The following PIAS1 variants were observed in gnomAD, a reference collection of about 807,000 sequenced individuals.
The protein encoded by PIAS1 is E3 SUMO-protein ligase PIAS1.
PIAS1 carries 6 observed loss-of-function variants against 71.3 expected under a neutral mutation model. The ratio of observed to expected loss-of-function variants is 0.08; its 90% confidence interval spans 0.05 to 0.17. The LOEUF (loss-of-function observed/expected upper bound fraction) is 0.17, where lower values mean the gene tolerates loss of function less well. PIAS1 is among the 10% of genes least tolerant of loss of function. PIAS1 has a pLI of 1.00. For synonymous variants in PIAS1, 303 were observed against 292.9 expected, an observed-to-expected ratio of 1.03 and a Z score of -0.35; for missense variants, 555 against 793.6, an observed-to-expected ratio of 0.70 and a Z score of 3.61.
rs532975947 is a variant in PIAS1, at chr15:68,095,844, C to G, written c.469+9094C>G. Among the ~76,000 whole-genome samples the G allele has an allele frequency of 7.3e-4, 111 of 152,210 alleles. 1 individual carries two copies. Among genetic ancestry groups the G allele is most frequent in the African/African-American group, 2.5e-3 (105 of 41,552 alleles). The stretch of plus-strand genomic sequence containing the variant: ...CCACGCCTGGCCCATTCTTTTTCTT[C>G]ATTCCTGACAGTGCTTGCAGCAGAC... On this transcript the variant is annotated intron_variant, in intron 2 of 13. Coordinates refer to ENST00000249636, the MANE Select transcript of PIAS1 (RefSeq NM_016166.3).
intron 1 of PIAS1, among the ~76,000 whole-genome samples, chr15:68,085,412 G>C (rs920546652): frequency 2.0e-5 from 3 of 152,176 alleles, no homozygotes; most frequent in Non-Finnish European, 2.9e-5. Flanking sequence ...ATAAGTTTGC[G>C]AACATAGGTA....
At chr15:68,179,716 C>T (rs909690083) in intron 11 of PIAS1, among the ~76,000 whole-genome samples, 1 of 151,596 alleles carries the variant, frequency 6.6e-6, no homozygotes, top group Admixed American at 6.6e-5. Context: ...GCTGGGATTA[C>T]AGGCATGCAC....
At chr15:68,114,051 CACACACACACTT>C (rs1339873097) in intron 2 of PIAS1, among the ~76,000 whole-genome samples, 2 of 118,298 alleles carry the variant, frequency 1.7e-5, no homozygotes, top group African/African-American at 2.8e-5. Flanking sequence ...CACACACACA[CACACACACACTT>C]ATATACATGT....
intron 1 of PIAS1, among the ~76,000 whole-genome samples, chr15:68,081,493 C>A (rs2140977005): frequency 6.6e-6 from 1 of 152,100 alleles, no homozygotes; most frequent in South Asian, 2.1e-4. Context: ...AAGCTTCAGG[C>A]ATGAAAGGCA....
At chr15:68,069,697 G>C (rs1944924543) in intron 1 of PIAS1, among the ~76,000 whole-genome samples, 1 of 151,778 alleles carries the variant, frequency 6.6e-6, no homozygotes, top group South Asian at 2.1e-4. Flanking sequence ...CCAGCTACTT[G>C]GGAGGCTGAG....
intron 11 of PIAS1, 97 bp downstream of exon 11, chr15:68,176,751 AAACTT>A: frequency 5.8e-6 from 5 of 867,618 alleles, no homozygotes; most frequent in Admixed American, 3.0e-5. Flanking sequence ...CTTGATTGTG[AAACTT>A]AACTTAGCAA....
intron 1 of PIAS1, among the ~76,000 whole-genome samples, chr15:68,060,900 T>C (rs1293438335): frequency 6.6e-6 from 1 of 152,214 alleles, no homozygotes; most frequent in Admixed American, 6.5e-5. Context: ...GCCAGGTTGG[T>C]CTCTATCTCT....
chr15:68,088,356 G>T (rs1334788690), intron 2 of PIAS1, among the ~76,000 whole-genome samples: 3 of 151,508 alleles, frequency 2.0e-5, no homozygotes, highest in Middle Eastern at 6.8e-3. Flanking sequence ...TACTTCCCCT[G>T]GTAGCAGTGA....
intron 2 of PIAS1, among the ~76,000 whole-genome samples, chr15:68,123,076 A>T (rs896792012): frequency 6.6e-6 from 1 of 151,740 alleles, no homozygotes; most frequent in Non-Finnish European, 1.5e-5. Flanking sequence ...TTGAGAGAGA[A>T]GGTCTCATTC....
At chr15:68,112,441 C>T (rs181301321) in intron 2 of PIAS1, among the ~76,000 whole-genome samples, 1 of 152,220 alleles carries the variant, frequency 6.6e-6, no homozygotes, top group African/African-American at 2.4e-5. Flanking sequence ...TGAACCCTTT[C>T]CAGGTAGGTT....
At chr15:68,180,755 A>G (rs946669248) in intron 11 of PIAS1, among the ~76,000 whole-genome samples, 1 of 152,138 alleles carries the variant, frequency 6.6e-6, no homozygotes, top group Non-Finnish European at 1.5e-5. Flanking sequence ...AACCACTCAG[A>G]TTGCTTCATT....
chr15:68,093,237 C>CTT (rs1171084438), intron 2 of PIAS1, among the ~76,000 whole-genome samples: 1 of 152,222 alleles, frequency 6.6e-6, no homozygotes, highest in African/African-American at 2.4e-5. Context: ...AAAACAGCAA[C>CTT]TTTCTTTTTA....
At chr15:68,138,099 A>G (rs1461431930) in intron 2 of PIAS1, among the ~76,000 whole-genome samples, 1 of 152,184 alleles carries the variant, frequency 6.6e-6, no homozygotes, top group African/African-American at 2.4e-5. Context: ...GCAGTGAGCT[A>G]TGATCATGCC....
At chr15:68,148,491 C>T (rs2092823372) in intron 6 of PIAS1, among the ~76,000 whole-genome samples, 1 of 152,032 alleles carries the variant, frequency 6.6e-6, no homozygotes, top group African/African-American at 2.4e-5. Context: ...TACAGTGGCA[C>T]AATCTCGGCT....
In PIAS1 at chr15:68,173,616, T is replaced by A; in HGVS notation, c.1009-116T>A. 1.8e-6 allele frequency: 1 copy of A among 545,722 alleles called. No individual in the cohort carries two copies. The highest frequency in any genetic ancestry group is 4.8e-4 in the Middle Eastern group (1 of 2,092). The allele number at this position is 545,722 out of a possible 1,614,324, so 33.8% of individuals were successfully genotyped here. ...AATGTTCTTCTACATTGATGAAAAG[T>A]CAACACTGTATGCTTTAAATCAGCA... On this transcript the variant is annotated intron_variant, in intron 8 of 13. Transcript: ENST00000249636. This position sits in a 1 kb window ranked among gnomAD's most constrained non-coding sequence, Gnocchi z 4.3.
At chr15:68,058,280 C>G (rs1284228759) in intron 1 of PIAS1, among the ~76,000 whole-genome samples, 1 of 152,112 alleles carries the variant, frequency 6.6e-6, no homozygotes, top group African/African-American at 2.4e-5. Context: ...AAGCATCTTG[C>G]TTTTTTAATG....
At chr15:68,066,835 A>C (rs938736206) in intron 1 of PIAS1, among the ~76,000 whole-genome samples, 4 of 152,204 alleles carry the variant, frequency 2.6e-5, no homozygotes, top group Admixed American at 6.5e-5. Context: ...TTGAATCATA[A>C]TCAGGGAAAA....
At chr15:68,059,090 C>T (rs1050905613) in intron 1 of PIAS1, among the ~76,000 whole-genome samples, 3 of 150,726 alleles carry the variant, frequency 2.0e-5, no homozygotes, top group African/African-American at 4.9e-5. Context: ...CTGCAAGCTC[C>T]GCCTCCCGGG....
intron 6 of PIAS1, 84 bp downstream of exon 6, chr15:68,146,784 A>T (rs934278818): frequency 1.0e-6 from 1 of 961,220 alleles, no homozygotes; most frequent in African/African-American, 1.6e-5. Flanking sequence ...TATGTAAATT[A>T]TGTAAAATGA....
Sources: gnomAD v4.1 joint callset for allele counts (sites outside exome capture counted in the v4.1 genomes callset) on GRCh38, gnomAD v4.1.1 for gene constraint, Gnocchi (gnomAD v3.1) non-coding constraint, MANE v1.5 for transcripts, NCBI Gene and HGNC (gene_info 2026-07-23, HGNC 2026-07-21) for gene names.